GRN: variants seen among roughly 807,000 people sequenced by gnomAD.
GRN encodes granulin precursor, also known as progranulin.
Under a neutral mutation model 66.7 loss-of-function variants are expected in GRN, and 30 were observed. The ratio of observed to expected loss-of-function variants is 0.45; its 90% CI spans 0.34 to 0.61. The LOEUF (loss-of-function observed/expected upper bound fraction) is 0.61. GRN is among the 20% of genes least tolerant of loss of function. The pLI is 0.01. For missense variants in GRN, 731 were observed against 803.5 expected, an observed-to-expected ratio of 0.91 and a Z score of 1.09; for synonymous variants, 327 against 311.1, an observed-to-expected ratio of 1.05 and a Z score of -0.54.
At position 44,349,824 on chromosome 17, in the gene GRN, G is replaced by C. The variant is rs1007727266; in HGVS notation, c.349+73G>C. ...AGTCTGGAACCCAGGAGCCCAGCTGGCGGGGGCAGCCCTGATTCCTGCCCT... is the reference window on the plus strand; with the variant it reads ...AGTCTGGAACCCAGGAGCCCAGCTGCCGGGGGCAGCCCTGATTCCTGCCCT... On this transcript the variant is annotated intron_variant, in intron 4 of 12. Transcript: ENST00000053867. The C allele has an allele frequency of 1.3e-5, 13 of 1,016,246 alleles. No homozygotes were observed. The African/African-American group carries it at 1.9e-4, about 15-fold the overall frequency. The allele number at this position is 1,016,246 out of a possible 1,614,324, so 63.0% of individuals were successfully genotyped here. A position where few individuals can be genotyped will look rare whatever the true frequency, so the allele number is the denominator to read the frequency against.
At chr17:44,347,073 C>T (rs973531108) in intron 1 of GRN, among the ~76,000 whole-genome samples, 3 of 151,150 alleles carry the variant, frequency 2.0e-5, no homozygotes, top group Non-Finnish European at 2.9e-5. Context: ...GCTGAGATCG[C>T]GCCACTGTAC....
Position 44,352,161 on chromosome 17 carries a change from C to G in GRN, c.1326C>G (p.Ile442Met), listed in dbSNP as rs748758630. Residue 442 changes from isoleucine to methionine, a missense_variant, in exon 11 of 13, where the codon ATC becomes ATG. Physicochemically the swap from Ile to Met is conservative, Grantham distance 10. Around this residue, in one of 3 missense-constraint regions of GRN, gnomAD observed 319 missense variants for 347.2 expected, o/e 0.92. Transcript: ENST00000053867. ...RRASLSHPRD[I>M]GCDQHTSCPV... ...CTTCCTTATCCCACCCCAGAGACAT[C>G]GGCTGTGACCAGCACACCAGCTGCC... is the stretch of plus-strand genomic sequence containing the variant. 13 of 1,613,616 alleles carry G rather than the reference C, an allele frequency of 8.1e-6. No individual in the cohort carries two copies. The highest frequency in any genetic ancestry group is 6.7e-5 in the African/African-American group (5 of 74,924).
chr17:44,349,149 ACTTTGC>A lies in GRN; in HGVS notation c.-7-8_-7-3del. 1 of 1,613,972 alleles carries A rather than the reference ACTTTGC, an allele frequency of 6.2e-7. No homozygotes were observed. The highest frequency in any genetic ancestry group is 8.5e-7 in the Non-Finnish European group (1 of 1,179,966). On this transcript the variant is annotated splice_polypyrimidine_tract_variant and splice_region_variant and intron_variant, in intron 1 of 12. Coordinates refer to ENST00000053867, the MANE Select transcript of GRN (RefSeq NM_002087.4). ...AAGCAGTTGCCAGACGTTCCTTGGT[ACTTTGC>A]AGGCAGACCATGTGGACCCTGGTGA...
rs777882796 is a variant in GRN at position 44,349,466 on chromosome 17, C to G, written c.179C>G (p.Pro60Arg). 4 of 1,614,132 alleles carry G rather than the reference C, an allele frequency of 2.5e-6. No homozygotes were observed. The highest frequency in any genetic ancestry group is 3.4e-6 in the Non-Finnish European group (4 of 1,179,978). ...ACACTGAGCAGGCATCTGGGTGGCC[C>G]CTGCCAGGTTGATGCCCACTGCTCT... ...PTTLSRHLGG[P>R]CQVDAHCSAG... The change falls in exon 3 of 13, where the codon CCC becomes CGC. Residue 60 changes from proline to arginine, a missense_variant. Pro to Arg is a moderately radical substitution (Grantham distance 103, BLOSUM62 -2). Coordinates refer to ENST00000053867, the MANE Select transcript of GRN (RefSeq NM_002087.4).
intron 7 of GRN, 73 bp downstream of exon 7, chr17:44,350,873 C>T: frequency 1.4e-6 from 2 of 1,415,404 alleles, no homozygotes. Context: ...CTTACAGGGG[C>T]TCTGTGGCAT....
chr17:44,349,952 G>A (rs2048356234), intron 4 of GRN: 5 of 640,422 alleles, frequency 7.8e-6, no homozygotes, highest in Admixed American at 2.4e-5. Context: ...CAAGACTCCA[G>A]GTCCAGGCGT....
Position 44,350,449 on chromosome 17 carries a change from G to GCTGTGAAGACAGGGTGCACTGCTGT in GRN, c.472_496dup (p.Pro166LeufsTer2). The GCTGTGAAGACAGGGTGCACTGCTGT allele has an allele frequency of 6.2e-7, 1 of 1,613,970 alleles. No individual in the cohort carries two copies. Among genetic ancestry groups the GCTGTGAAGACAGGGTGCACTGCTGT allele is most frequent in the Non-Finnish European group, 8.5e-7 (1 of 1,179,982 alleles). On this transcript the variant is annotated frameshift_variant, in exon 6 of 13. Transcript: ENST00000053867. LOFTEE classifies it high-confidence loss of function. ...AGGACCATTTTTTCTCAGGCTTCCT[G>GCTGTGAAGACAGGGTGCACTGCTGT]CTGTGAAGACAGGGTGCACTGCTGT...
At chr17:44,349,888 C>A in intron 4 of GRN, 137 bp downstream of exon 4, 1 of 692,634 alleles carries the variant, frequency 1.4e-6, no homozygotes, top group Non-Finnish European at 2.6e-6. Flanking sequence ...TAAGCAACAG[C>A]CCTGCTGTGG....
chr17:44,348,950 C>T (rs533691189), intron 1 of GRN, among the ~76,000 whole-genome samples: 8 of 152,382 alleles, frequency 5.2e-5, no homozygotes, highest in Non-Finnish European at 1.0e-4. Context: ...CAGGTCCGCA[C>T]ATGCTGGGGC....
Position 44,351,095 on chromosome 17 carries a change from T to TCC in GRN, c.768_769dup (p.Gln257ProfsTer27), listed in dbSNP as rs1567887004. 6.2e-7 allele frequency: 1 copy of TCC among 1,614,006 alleles called. No individual in the cohort carries two copies. Among genetic ancestry groups the TCC allele is most frequent in the Non-Finnish European group, 8.5e-7 (1 of 1,179,924 alleles). On this transcript the variant is annotated frameshift_variant, in exon 8 of 13. Transcript: ENST00000053867. LOFTEE classifies it high-confidence loss of function. ...CCCCAAGACACTGTGTGTGACCTGA[T>TCC]CCAGAGTAAGTGCCTCTCCAAGGAG...
chr17:44,352,010 C>A lies in GRN; in HGVS notation c.1180-5C>A. 6.2e-7 allele frequency: 1 copy of A among 1,610,680 alleles called. No individual in the cohort carries two copies. ...CTACAACGCCCTTTCCTGCCCACCC[C>A]CCAGGCTGTCTGCTGCTCGGACCAC... On this transcript the variant is annotated splice_polypyrimidine_tract_variant and splice_region_variant and intron_variant, in intron 10 of 12. Transcript: ENST00000053867.
In GRN at chr17:44,352,707, G is replaced by A. The variant is rs971443926; in HGVS notation, c.1691G>A (p.Arg564His). The A allele has an allele frequency of 4.3e-6, 7 of 1,610,672 alleles. No individual in the cohort carries two copies. Among genetic ancestry groups the A allele is most frequent in the African/African-American group, 4.0e-5 (3 of 75,066 alleles). Residue 564 changes from arginine (R) to histidine (H), a missense_variant, in exon 13 of 13, where the codon CGC (arginine) becomes CAC (histidine). Arg to His is a conservative substitution (Grantham distance 29). Coordinates refer to ENST00000053867, the MANE Select transcript of GRN (RefSeq NM_002087.4). ...DRRHCCPAGF[R>H]CAARGTKCLR... Reference sequence around the variant, plus strand: ...CGCCACTGCTGTCCTGCTGGCTTCCGCTGCGCAGCCAGGGGTACCAAGTGT... The same window carrying A: ...CGCCACTGCTGTCCTGCTGGCTTCCACTGCGCAGCCAGGGGTACCAAGTGT...
rs200685431 is a variant in GRN at position 44,350,406 on chromosome 17, G to A, written c.463-36G>A. 253 of 1,613,436 alleles carry A rather than the reference G, an allele frequency of 1.6e-4. No homozygotes were observed. In the African/African-American group the frequency reaches 3.0e-3, roughly 19 times the overall value. Reference sequence around the variant, plus strand: ...GGGGCAGAGTTGGGGGCCAGGGGCAGGGGGTGAAGACGGAGTCAGGACCAT... The same window carrying A: ...GGGGCAGAGTTGGGGGCCAGGGGCAAGGGGTGAAGACGGAGTCAGGACCAT... On this transcript the variant is annotated intron_variant, in intron 5 of 12. Transcript: ENST00000053867.
chr17:44,345,909 G>A (rs1212402933), intron 1 of GRN, among the ~76,000 whole-genome samples: 3 of 152,200 alleles, frequency 2.0e-5, no homozygotes, highest in Non-Finnish European at 4.4e-5. Flanking sequence ...GGCACTCGGA[G>A]TTGGGGGGTG....
intron 4 of GRN, 108 bp from the exon 5 acceptor site, chr17:44,350,120 A>G: frequency 4.8e-6 from 4 of 832,074 alleles, no homozygotes; most frequent in Non-Finnish European, 8.5e-6. Context: ...GTCACCCTCA[A>G]ACCCCAGTAG....
In GRN at chr17:44,351,762, G is replaced by A. The variant is rs200308105; in HGVS notation, c.1146G>A (p.Thr382=). The part of the protein sequence containing the change: ...CPSSDTCCQL[T]SGEWGCCPIP... ...CCTCCGATACCTGCTGCCAACTCAC[G>A]TCTGGGGAGTGGGGCTGCTGTCCAA... The change falls in exon 10 of 13, where the codon ACG becomes ACA. Residue 382 remains threonine, a synonymous_variant. Coordinates refer to ENST00000053867, the MANE Select transcript of GRN (RefSeq NM_002087.4). 7.4e-6 allele frequency: 12 copies of A among 1,613,548 alleles called. No homozygotes were observed. The highest frequency in any genetic ancestry group is 2.2e-5 in the East Asian group (1 of 44,886).
At chr17:44,348,455 G>A (rs2048341575) in intron 1 of GRN, among the ~76,000 whole-genome samples, 1 of 152,236 alleles carries the variant, frequency 6.6e-6, no homozygotes, top group African/African-American at 2.4e-5. Flanking sequence ...CCCTGGTGGT[G>A]TGGGGGACCC....
chr17:44,351,801 T>G lies in GRN; in HGVS notation c.1179+6T>G. 3.7e-6 allele frequency: 6 copies of G among 1,612,552 alleles called. No individual in the cohort carries two copies. The highest frequency in any genetic ancestry group is 5.1e-6 in the Non-Finnish European group (6 of 1,179,668). ...GCTGCTGTCCAATCCCAGAGGTATA[T>G]GGGAGGGGACAGCATCTTGGCCTGG... On this transcript the variant is annotated splice_donor_region_variant and intron_variant, in intron 10 of 12. Coordinates refer to ENST00000053867, the MANE Select transcript of GRN (RefSeq NM_002087.4).
At position 44,351,026 on chromosome 17, in the gene GRN, T is replaced by TC; in HGVS notation, c.709-7dup. Reference sequence around the variant, plus strand: ...TGGAAGTGACAAAGACCCACCCCTGTCCCCACTCAGGCCACCTGCTGCTCC... The same window carrying TC: ...TGGAAGTGACAAAGACCCACCCCTGTCCCCCACTCAGGCCACCTGCTGCTCC... On this transcript the variant is annotated splice_polypyrimidine_tract_variant and intron_variant, in intron 7 of 12. Transcript: ENST00000053867. 1 of 1,613,164 alleles carries TC rather than the reference T, an allele frequency of 6.2e-7. No individual in the cohort carries two copies. Among genetic ancestry groups the TC allele is most frequent in the Non-Finnish European group, 8.5e-7 (1 of 1,179,888 alleles).
Sources: gnomAD v4.1 joint callset for allele counts (sites outside exome capture counted in the v4.1 genomes callset) on GRCh38, gnomAD v4.1.1 for gene constraint, gnomAD v4.1.1 regional missense constraint, MANE v1.5 for transcripts, NCBI Gene and HGNC (gene_info 2026-07-23, HGNC 2026-07-21) for gene names.